VMP1: variants seen among roughly 807,000 people sequenced by gnomAD.
VMP1 encodes ectopic P-granules autophagy protein 3 homolog.
VMP1 carries 11 observed loss-of-function variants against 56.0 expected under a neutral mutation model. The observed-to-expected ratio is 0.20, with a 90% confidence interval of 0.12 to 0.32. The LOEUF is 0.32. Ranked by LOEUF, VMP1 falls within the 10% of genes least tolerant of loss-of-function variation. VMP1 has a pLI of 1.00. For missense variants in VMP1, 296 were observed against 490.3 expected (o/e 0.60, Z 3.74); for synonymous variants, 149 against 165.0 (o/e 0.90, Z 0.74).
chr17:59,814,103 C>A (rs1222238621), intron 9 of VMP1, among the ~76,000 whole-genome samples: 1 of 152,136 alleles, frequency 6.6e-6, no homozygotes, highest in Non-Finnish European at 1.5e-5. Context: ...GTTTCAGCCT[C>A]CAGAGTAAGT....
intron 2 of VMP1, among the ~76,000 whole-genome samples, chr17:59,733,242 G>A (rs940849783): frequency 1.3e-5 from 2 of 151,816 alleles, no homozygotes; most frequent in African/African-American, 2.4e-5. Flanking sequence ...TCCATTGTAC[G>A]AGTGTGCTGT....
Position 59,841,166 on chromosome 17 carries a change from GT to G in VMP1, c.*1262del. ...ATCTTAACAGGCCAGAAATGCCTGG[GT>G]TTTTTTGGTTTGTTTTTGTTTTTGT... On this transcript the variant is annotated 3_prime_UTR_variant, in exon 12 of 12. Coordinates refer to ENST00000262291, the MANE Select transcript of VMP1 (RefSeq NM_030938.5). 1.6e-5 allele frequency: 6 copies of G among 370,744 alleles called. No individual in the cohort carries two copies. Among genetic ancestry groups the G allele is most frequent in the Middle Eastern group, 3.9e-4 (1 of 2,556 alleles). 23.0% of individuals were successfully genotyped at this position (370,744 alleles called of 1,614,324 possible). A position where few individuals can be genotyped will look rare whatever the true frequency, so the allele number is the denominator to read the frequency against.
intron 10 of VMP1, chr17:59,833,948 C>G (rs536683580): frequency 2.6e-5 from 4 of 152,108 alleles, no homozygotes; most frequent in African/African-American, 9.6e-5. Context: ...TGACAATTTA[C>G]AGTACTGTTT....
chr17:59,761,923 A>G (rs910150625), intron 5 of VMP1, among the ~76,000 whole-genome samples: 39 of 151,744 alleles, frequency 2.6e-4, no homozygotes, highest in African/African-American at 9.0e-4. Context: ...CTCATTCTCA[A>G]CTCGGCAGGA....
At chr17:59,828,156 C>T (rs979859029) in intron 10 of VMP1, among the ~76,000 whole-genome samples, 2 of 152,152 alleles carry the variant, frequency 1.3e-5, no homozygotes, top group African/African-American at 2.4e-5. Flanking sequence ...TAGCTCTGGC[C>T]ACATTCATCA....
chr17:59,732,331 C>T (rs2034856909), intron 2 of VMP1, among the ~76,000 whole-genome samples: 1 of 152,244 alleles, frequency 6.6e-6, no homozygotes, highest in East Asian at 1.9e-4. Flanking sequence ...CTGCAACCTC[C>T]GCCTCCCAGG....
chr17:59,802,072 G>A (rs745424364), intron 7 of VMP1, among the ~76,000 whole-genome samples: 3 of 151,822 alleles, frequency 2.0e-5, no homozygotes, highest in Admixed American at 6.6e-5. Context: ...ATGGTGGCAC[G>A]CACCTGTAGT....
intron 10 of VMP1, among the ~76,000 whole-genome samples, chr17:59,828,735 A>G (rs1204052469): frequency 2.0e-5 from 3 of 152,188 alleles, no homozygotes; most frequent in Non-Finnish European, 4.4e-5. Context: ...ATGTAAAGAA[A>G]CATGATTAGG....
intron 9 of VMP1, among the ~76,000 whole-genome samples, chr17:59,816,860 G>A (rs928890685): frequency 2.0e-5 from 3 of 151,510 alleles, no homozygotes; most frequent in African/African-American, 7.3e-5. Context: ...GTAGGAGAAT[G>A]GCTTGACCCT....
chr17:59,775,916 T>A (rs538112244), intron 7 of VMP1, among the ~76,000 whole-genome samples: 1 of 152,282 alleles, frequency 6.6e-6, no homozygotes, highest in African/African-American at 2.4e-5. Flanking sequence ...AAAGATTGAA[T>A]CTCCATCTTC....
intron 7 of VMP1, among the ~76,000 whole-genome samples, chr17:59,791,403 C>T (rs534409592): frequency 1.3e-5 from 2 of 151,748 alleles, no homozygotes; most frequent in African/African-American, 4.8e-5. Flanking sequence ...GTTGGCCAGG[C>T]TGGTCTTGAA....
At chr17:59,813,310 G>T (rs1288202342) in intron 9 of VMP1, among the ~76,000 whole-genome samples, 2 of 152,094 alleles carry the variant, frequency 1.3e-5, no homozygotes, top group South Asian at 2.1e-4. Flanking sequence ...AGATGCGGTG[G>T]CTCACACCTG....
intron 5 of VMP1, 78 bp downstream of exon 5, chr17:59,739,025 A>C (rs2035115419): frequency 3.7e-5 from 43 of 1,177,842 alleles, no homozygotes; most frequent in Non-Finnish European, 5.1e-5. Flanking sequence ...AGAAGTAAAA[A>C]TTCTAAGATT....
chr17:59,769,057 G>A (rs1004470305), intron 6 of VMP1, among the ~76,000 whole-genome samples: 1 of 151,780 alleles, frequency 6.6e-6, no homozygotes. Context: ...GGAGGCAGAG[G>A]TTGCAGTGAG....
chr17:59,823,436 G>T lies in VMP1; in HGVS notation c.974+5663G>T, dbSNP rs1221201510. On this transcript the variant is annotated intron_variant, in intron 10 of 11. Transcript: ENST00000262291. ...ACTGCACTCCAGCCTGGATGACAGT[G>T]AGATATGTCTCAAAAAAAAAAAAAA... Among the ~76,000 whole-genome samples, 3 of 134,238 alleles carry T rather than the reference G, an allele frequency of 2.2e-5. No individual in the cohort carries two copies. In the Admixed American group the frequency reaches 2.5e-4, roughly 11 times the overall value. 88.1% of individuals were successfully genotyped at this position (134,238 alleles called of 152,430 possible). A position where few individuals can be genotyped will look rare whatever the true frequency, so the allele number is the denominator to read the frequency against.
chr17:59,735,494 A>G (rs966439026), intron 3 of VMP1, 21 bp downstream of exon 3: 16 of 1,613,008 alleles, frequency 9.9e-6, no homozygotes, highest in Middle Eastern at 3.3e-4. Flanking sequence ...TTCTCCCACT[A>G]CCTTTTACAT....
rs531825417 is a variant in VMP1 at position 59,828,770 on chromosome 17, G to C, written c.975-9525G>C. 2.0e-5 allele frequency among the ~76,000 whole-genome samples: 3 copies of C among 152,280 alleles called. No homozygotes were observed. In the East Asian group the frequency reaches 5.8e-4, roughly 29 times the overall value. On this transcript the variant is annotated intron_variant, in intron 10 of 11. Transcript: ENST00000262291. The stretch of plus-strand genomic sequence containing the variant: ...GGGGCTACCACATTTCAGATCCAAA[G>C]CAAGTAGAATACATCAGTTACCAGT...
intron 5 of VMP1, among the ~76,000 whole-genome samples, chr17:59,744,650 G>A (rs1194533928): frequency 6.7e-6 from 1 of 148,660 alleles, no homozygotes; most frequent in African/African-American, 2.5e-5. Flanking sequence ...AAAAGAGAGA[G>A]ACAGAAGGAA....
chr17:59,834,626 A>ATT (rs34575746), intron 10 of VMP1, among the ~76,000 whole-genome samples: 5,456 of 109,542 alleles, frequency 0.05, 329 homozygotes, highest in African/African-American at 0.13. Flanking sequence ...TGCCCAGCTA[A>ATT]TTTTTTTTTT....
Sources: allele counts gnomAD v4.1 joint callset (sites outside exome capture counted in the v4.1 genomes callset), GRCh38; gene constraint gnomAD v4.1.1; transcripts MANE v1.5; gene names NCBI Gene and HGNC (gene_info 2026-07-23, HGNC 2026-07-21).